WDR64: variants seen among roughly 807,000 people sequenced by gnomAD.
The protein encoded by WDR64 is WD repeat domain 64.
A neutral mutation model predicts 139.3 loss-of-function variants in WDR64; 112 were observed. The observed-to-expected ratio is 0.80, with a 90% CI of 0.69 to 0.94. The LOEUF is 0.94. WDR64 is among the 40% of genes least tolerant of loss of function. The pLI, the probability that WDR64 is intolerant of heterozygous loss-of-function variation, is 0.00. For synonymous variants in WDR64, 444 were observed against 437.7 expected, an observed-to-expected ratio of 1.01 and a Z score of -0.18; for missense variants, 1,206 against 1,293.1, an observed-to-expected ratio of 0.93 and a Z score of 1.03.
intron 4 of WDR64, among the ~76,000 whole-genome samples, chr1:241,677,898 AT>A (rs1666617853): frequency 6.6e-6 from 1 of 152,250 alleles, no homozygotes; most frequent in African/African-American, 2.4e-5. Flanking sequence ...ACTAAAAAAA[AT>A]ATGATGTAGT....
chr1:241,735,954 A>C (rs1669307923), intron 10 of WDR64, among the ~76,000 whole-genome samples: 1 of 151,306 alleles, frequency 6.6e-6, no homozygotes, highest in Non-Finnish European at 1.5e-5. Context: ...CCAGTTCAGA[A>C]ATAGTTCTCG....
chr1:241,666,637 G>A (rs965827578), intron 2 of WDR64, among the ~76,000 whole-genome samples: 9 of 152,180 alleles, frequency 5.9e-5, no homozygotes, highest in African/African-American at 2.2e-4. Flanking sequence ...TTAAATTAGC[G>A]AGGAAGATAC....
chr1:241,750,974 CTTAT>C (rs1669957152), intron 14 of WDR64, among the ~76,000 whole-genome samples: 2 of 152,002 alleles, frequency 1.3e-5, no homozygotes, highest in Non-Finnish European at 2.9e-5. Flanking sequence ...TCCTTATTTA[CTTAT>C]TATTATTAGT....
At chr1:241,701,488 A>G (rs1257584369) in intron 8 of WDR64, among the ~76,000 whole-genome samples, 1 of 152,200 alleles carries the variant, frequency 6.6e-6, no homozygotes, top group Non-Finnish European at 1.5e-5. Flanking sequence ...AGAAGGTTTT[A>G]CTTTTCTGAT....
In WDR64 at chr1:241,770,687, T is replaced by C; in HGVS notation, c.2250T>C (p.Ser750=). The C allele has an allele frequency of 6.4e-7, 1 of 1,551,382 alleles. No individual in the cohort carries two copies. The highest frequency in any genetic ancestry group is 8.7e-7 in the Non-Finnish European group (1 of 1,146,812). Residue 750 remains serine (S), a synonymous_variant, in exon 18 of 28, where the codon AGT becomes AGC. Coordinates refer to ENST00000437684, the MANE Select transcript of WDR64 (RefSeq NM_001367482.1). ...QCESSKGPQS[S]KGSKQSIHDS... ...AATCCAGCAAAGGTCCACAGAGCAG[T>C]AAGGTAAGCAAGACACAGACAGGGT...
intron 20 of WDR64, among the ~76,000 whole-genome samples, chr1:241,774,494 T>C (rs754133756): frequency 3.3e-5 from 5 of 152,210 alleles, no homozygotes; most frequent in Non-Finnish European, 7.3e-5. Context: ...TTGATGTTGA[T>C]GATGTTTATT....
intron 24 of WDR64, 134 bp downstream of exon 24, chr1:241,788,168 G>A: frequency 1.4e-6 from 1 of 693,510 alleles, no homozygotes; most frequent in Admixed American, 3.8e-5. Flanking sequence ...CCAGTGGAAG[G>A]GAAATGTATG....
chr1:241,698,862 T>C (rs1056387318), intron 8 of WDR64, among the ~76,000 whole-genome samples: 1 of 152,166 alleles, frequency 6.6e-6, no homozygotes, highest in Non-Finnish European at 1.5e-5. Flanking sequence ...GACTGGGTAA[T>C]TTATAAAGGA....
intron 1 of WDR64, among the ~76,000 whole-genome samples, chr1:241,658,292 T>TGTGTGG (rs1665687058): frequency 6.6e-6 from 1 of 151,068 alleles, no homozygotes; most frequent in Admixed American, 6.6e-5. Context: ...ATGGTGTGTG[T>TGTGTGG]GTGTGTGTGT....
chr1:241,794,181 CAA>C (rs34541036), intron 25 of WDR64, among the ~76,000 whole-genome samples: 33,014 of 144,078 alleles, frequency 0.23, 3,886 homozygotes, highest in East Asian at 0.43. Context: ...AACTCTGTCT[CAA>C]AAAAAAAAAA....
rs376364741 is a variant in WDR64 at position 241,772,852 on chromosome 1, T to C, written c.2351T>C (p.Ile784Thr). The C allele has an allele frequency of 3.7e-5, 57 of 1,552,028 alleles. No individual in the cohort carries two copies. The highest frequency in any genetic ancestry group is 2.3e-4 in the African/African-American group (17 of 73,116). The change falls in exon 20 of 28, where the codon ATT becomes ACT. Residue 784 changes from isoleucine to threonine, a missense_variant. Transcript: ENST00000437684. The part of the protein sequence containing the change: ...QQPMDKKHPG[I>T]ANLPEAQPPI... Reference sequence around the variant, plus strand: ...CCAATGGACAAAAAACACCCTGGAATTGCCAATTTACCAGAAGCCCAGCCA... The same window carrying C: ...CCAATGGACAAAAAACACCCTGGAACTGCCAATTTACCAGAAGCCCAGCCA...
chr1:241,656,423 G>C lies in WDR64; in HGVS notation c.145+3794G>C, dbSNP rs1455809608. The stretch of plus-strand genomic sequence containing the variant: ...TTAATTTTATCCCAGGACAAAGAAA[G>C]TCTCATTATCCTCATCCAGTGATAT... On this transcript the variant is annotated intron_variant, in intron 1 of 27. Transcript: ENST00000437684. This position sits in a 1 kb window ranked among gnomAD's most constrained non-coding sequence, Gnocchi z 4.3. Among the ~76,000 whole-genome samples, 1 of 152,158 alleles carries C rather than the reference G, an allele frequency of 6.6e-6. No homozygotes were observed. Among genetic ancestry groups the C allele is most frequent in the Non-Finnish European group, 1.5e-5 (1 of 68,028 alleles).
chr1:241,708,912 T>G (rs1245618055), intron 8 of WDR64, among the ~76,000 whole-genome samples: 2 of 152,106 alleles, frequency 1.3e-5, no homozygotes, highest in Non-Finnish European at 2.9e-5. Context: ...CACTAAGGTC[T>G]TGAGCATTCT....
chr1:241,768,877 T>C (rs541568893), intron 16 of WDR64, among the ~76,000 whole-genome samples: 6 of 152,336 alleles, frequency 3.9e-5, no homozygotes, highest in Non-Finnish European at 7.3e-5. Context: ...CTACCTGTTC[T>C]TCTCCACTCC....
chr1:241,697,849 C>T (rs140951192), intron 8 of WDR64, among the ~76,000 whole-genome samples: 13 of 152,316 alleles, frequency 8.5e-5, no homozygotes, highest in African/African-American at 3.1e-4. Flanking sequence ...TGATCTCACC[C>T]ACCCTGAAAC....
intron 10 of WDR64, among the ~76,000 whole-genome samples, chr1:241,731,673 C>T (rs1431559914): frequency 6.6e-6 from 1 of 152,014 alleles, no homozygotes; most frequent in African/African-American, 2.4e-5. Context: ...CGTTTTTGTA[C>T]TGTTTGAATC....
chr1:241,734,216 C>T (rs566651673), intron 10 of WDR64, among the ~76,000 whole-genome samples: 1 of 152,218 alleles, frequency 6.6e-6, no homozygotes, highest in South Asian at 2.1e-4. Flanking sequence ...GCTGTCCTGC[C>T]TTTCCGGACT....
intron 6 of WDR64, among the ~76,000 whole-genome samples, chr1:241,681,166 G>A (rs1666775841): frequency 6.6e-6 from 1 of 151,628 alleles, no homozygotes; most frequent in Non-Finnish European, 1.5e-5. Flanking sequence ...GTGGTATTTG[G>A]TTACATGAGT....
chr1:241,678,610 A>G (rs556761305), intron 5 of WDR64, among the ~76,000 whole-genome samples: 7 of 152,300 alleles, frequency 4.6e-5, no homozygotes, highest in Admixed American at 1.3e-4. Flanking sequence ...AATAACATTA[A>G]AAGTTTGAGT....
Sources: allele counts gnomAD v4.1 joint callset (sites outside exome capture counted in the v4.1 genomes callset), GRCh38; gene constraint gnomAD v4.1.1; non-coding constraint Gnocchi (gnomAD v3.1); transcripts MANE v1.5; gene names NCBI Gene and HGNC (gene_info 2026-07-23, HGNC 2026-07-21).